Variants in CAPRIN2 observed in about 807,000 individuals in gnomAD.
The protein encoded by CAPRIN2 is caprin-2.
Under a neutral mutation model 130.4 loss-of-function variants are expected in CAPRIN2, and 66 were observed. That is an observed-to-expected ratio of 0.51 (90% CI 0.42 to 0.62). The LOEUF (loss-of-function observed/expected upper bound fraction) is 0.62, where lower values mean the gene tolerates loss of function less well. CAPRIN2 is among the 20% of genes least tolerant of loss of function. CAPRIN2 has a pLI of 0.00. For missense variants in CAPRIN2, 1,185 were observed against 1,246.6 expected, an observed-to-expected ratio of 0.95 and a Z score of 0.74; for synonymous variants, 471 against 444.1, an observed-to-expected ratio of 1.06 and a Z score of -0.76.
chr12:30,743,702 A>C (rs2068570467), intron 2 of CAPRIN2, among the ~76,000 whole-genome samples: 1 of 152,220 alleles, frequency 6.6e-6, no homozygotes, highest in Non-Finnish European at 1.5e-5. Context: ...AAATGACTGC[A>C]TATGTATAAA....
chr12:30,725,753 A>C (rs1377489769), intron 9 of CAPRIN2, among the ~76,000 whole-genome samples: 1 of 152,072 alleles, frequency 6.6e-6, no homozygotes, highest in African/African-American at 2.4e-5. Context: ...TTTTTGTTCT[A>C]ACAAACTTAG....
At chr12:30,727,004 C>A (rs1174315659) in intron 8 of CAPRIN2, among the ~76,000 whole-genome samples, 1 of 152,122 alleles carries the variant, frequency 6.6e-6, no homozygotes, top group Middle Eastern at 3.2e-3. Flanking sequence ...TTCAATATAA[C>A]GCTATCTGTC....
At chr12:30,713,971 TAA>T in intron 14 of CAPRIN2, 86 bp from the exon 17 acceptor site, 1 of 703,350 alleles carries the variant, frequency 1.4e-6, no homozygotes, top group Non-Finnish European at 2.4e-6. Context: ...CTTTAAAAGT[TAA>T]ATTGATTATA....
At chr12:30,727,521 G>A (rs1435919663) in intron 8 of CAPRIN2, among the ~76,000 whole-genome samples, 1 of 152,186 alleles carries the variant, frequency 6.6e-6, no homozygotes, top group Non-Finnish European at 1.5e-5. Context: ...TAGAGATAGA[G>A]AACACTGGAA....
chr12:30,713,971 T>G, intron 14 of CAPRIN2, 86 bp from the exon 17 acceptor site: 1 of 703,350 alleles, frequency 1.4e-6, no homozygotes, highest in South Asian at 2.1e-5. Flanking sequence ...CTTTAAAAGT[T>G]AAATTGATTA....
At chr12:30,714,724 T>C (rs897594852) in intron 14 of CAPRIN2, among the ~76,000 whole-genome samples, 7 of 152,150 alleles carry the variant, frequency 4.6e-5, no homozygotes, top group African/African-American at 1.7e-4. Context: ...TGTAAAACAA[T>C]ATGGTGAAAC....
intron 12 of CAPRIN2, 84 bp downstream of exon 13, chr12:30,720,727 A>T: frequency 1.3e-6 from 1 of 799,274 alleles, no homozygotes; most frequent in Admixed American, 2.1e-5. Flanking sequence ...ACATCATTCA[A>T]CTAATCATGC....
At chr12:30,747,857 G>C (rs1188302994) in intron 2 of CAPRIN2, among the ~76,000 whole-genome samples, 1 of 152,160 alleles carries the variant, frequency 6.6e-6, no homozygotes, top group Non-Finnish European at 1.5e-5. Flanking sequence ...AACATGAACA[G>C]GAGTTTGGGA....
At chr12:30,742,666 C>A (rs1471382076) in intron 2 of CAPRIN2, among the ~76,000 whole-genome samples, 1 of 149,042 alleles carries the variant, frequency 6.7e-6, no homozygotes, top group African/African-American at 2.5e-5. Context: ...ACAAAAAAAA[C>A]ACAACTCTAA....
intron 1 of CAPRIN2, 91 bp from the exon 3 acceptor site, chr12:30,751,224 G>T (rs768168026): frequency 2.0e-6 from 2 of 982,728 alleles, no homozygotes; most frequent in Non-Finnish European, 3.3e-6. Context: ...AGGAAACAAA[G>T]TCCTTGAAGT....
In CAPRIN2 at chr12:30,724,468, A is replaced by C. The variant is rs191307717; in HGVS notation, c.1906-17T>G. The C allele has an allele frequency of 1.5e-5, 23 of 1,522,278 alleles. No individual in the cohort carries two copies. The African/African-American group carries it at 2.2e-4, about 14-fold the overall frequency. 94.3% of individuals were successfully genotyped at this position (1,522,278 alleles called of 1,614,324 possible). On this transcript the variant is annotated splice_polypyrimidine_tract_variant and intron_variant, in intron 9 of 16. Transcript: ENST00000298892. The stretch of plus-strand genomic sequence containing the variant: ...AACAGACTCCTAAAGATATGATTTT[A>C]AATAAAGAGTGGAAACAGAGATTAC...
intron 7 of CAPRIN2, 57 bp from the exon 9 acceptor site, chr12:30,729,382 A>G: frequency 8.0e-7 from 1 of 1,243,120 alleles, no homozygotes; most frequent in Non-Finnish European, 1.1e-6. Context: ...CTTGGAGGGA[A>G]TATTCAACTC....
intron 12 of CAPRIN2, among the ~76,000 whole-genome samples, chr12:30,718,850 A>T (rs1410715816): frequency 1.3e-5 from 2 of 152,208 alleles, no homozygotes; most frequent in Non-Finnish European, 2.9e-5. Flanking sequence ...CTAATTCTAA[A>T]AGAAGGAATA....
At chr12:30,714,165 T>C (rs1265425524) in intron 14 of CAPRIN2, among the ~76,000 whole-genome samples, 1 of 152,132 alleles carries the variant, frequency 6.6e-6, no homozygotes, top group Non-Finnish European at 1.5e-5. Flanking sequence ...TTAGGGCCTC[T>C]GTCTAGGGTT....
chr12:30,722,993 T>C (rs1220972353), intron 11 of CAPRIN2, among the ~76,000 whole-genome samples: 2 of 152,216 alleles, frequency 1.3e-5, no homozygotes, highest in Non-Finnish European at 2.9e-5. Flanking sequence ...CAAGAGAACA[T>C]AATATTCTTA....
At chr12:30,729,502 T>C (rs965569966) in intron 7 of CAPRIN2, among the ~76,000 whole-genome samples, 177 bp from the exon 9 acceptor site, 3 of 152,208 alleles carry the variant, frequency 2.0e-5, no homozygotes, top group Admixed American at 1.3e-4. Context: ...TTCCTACTTT[T>C]CTGTCCATTC....
chr12:30,712,069 A>AT (rs900917816), intron 15 of CAPRIN2, among the ~76,000 whole-genome samples: 2 of 151,674 alleles, frequency 1.3e-5, no homozygotes, highest in South Asian at 2.1e-4. Context: ...GGGTTTGGGA[A>AT]TTTTTTTTTA....
At chr12:30,728,541 T>C in intron 8 of CAPRIN2, 107 bp downstream of exon 9, 1 of 857,808 alleles carries the variant, frequency 1.2e-6, no homozygotes, top group Non-Finnish European at 1.7e-6. Context: ...GGTAACAGAG[T>C]GTTTCTCCAT....
chr12:30,745,522 C>G (rs1456538313), intron 2 of CAPRIN2, among the ~76,000 whole-genome samples: 1 of 152,038 alleles, frequency 6.6e-6, no homozygotes, highest in Non-Finnish European at 1.5e-5. Flanking sequence ...TAGAACATTA[C>G]AAGTTTTATT....
Sources: gnomAD v4.1 joint callset for allele counts (sites outside exome capture counted in the v4.1 genomes callset) on GRCh38, gnomAD v4.1.1 for gene constraint, MANE v1.5 for transcripts, NCBI Gene and HGNC (gene_info 2026-07-23, HGNC 2026-07-21) for gene names.